The following ZNF605 variants were observed in gnomAD, a reference collection of about 807,000 sequenced individuals.
The protein encoded by ZNF605 is zinc finger protein 605.
ZNF605 carries 9 observed loss-of-function variants against 7.9 expected under a neutral mutation model. That is an observed-to-expected ratio of 1.14 (90% CI 0.68 to 1.98). The LOEUF (loss-of-function observed/expected upper bound fraction) is 1.98, where lower values mean the gene tolerates loss of function less well. Among genes scored for constraint, ZNF605 ranks in the 30% most tolerant of loss-of-function variants. ZNF605 has a pLI of 0.00. For synonymous variants in ZNF605, 255 were observed against 260.1 expected (o/e 0.98, Z 0.19); for missense variants, 673 against 762.4 (o/e 0.88, Z 1.38).
At position 132,926,919 on chromosome 12, in the gene ZNF605, A is replaced by C; in HGVS notation, c.380T>G (p.Leu127Ter). ...RKKIDELNKKLLFCIKPGRTH... is the reference protein window; with the variant it reads ...RKKIDELNKK Reference sequence around the variant, plus strand: ...TCTGCCAGGTTTGATACAGAACAATAATTTCTTATTGAGTTCATCAATTTT... The same window carrying C: ...TCTGCCAGGTTTGATACAGAACAATCATTTCTTATTGAGTTCATCAATTTT... The change falls in exon 5 of 5, where the codon TTA becomes TGA. Residue 127 changes from leucine (L) to a stop codon, truncating the protein, a stop_gained. Coordinates refer to ENST00000360187, the MANE Select transcript of ZNF605 (RefSeq NM_183238.4). LOFTEE classifies it low-confidence loss of function (END_TRUNC). 2 of 1,612,520 alleles carry C rather than the reference A, an allele frequency of 1.2e-6. No individual in the cohort carries two copies. Among genetic ancestry groups the C allele is most frequent in the Non-Finnish European group, 1.7e-6 (2 of 1,179,380 alleles).
rs531246717 is a variant in ZNF605, at chr12:132,923,381, T to C, written c.*1992A>G. 6.6e-6 allele frequency: 1 copy of C among 152,338 alleles called. No homozygotes were observed. Among genetic ancestry groups the C allele is most frequent in the East Asian group, 1.9e-4 (1 of 5,188 alleles). 9.4% of individuals were successfully genotyped at this position (152,338 alleles called of 1,614,324 possible). On this transcript the variant is annotated 3_prime_UTR_variant, in exon 5 of 5. Transcript: ENST00000360187. ...TTCCCAAAGACAGGTCTACAGGTAA[T>C]AAAATTACCTTTGATTTAGTTTCTC...
chr12:132,932,687 A>G lies in ZNF605; in HGVS notation c.136+348T>C, dbSNP rs1952320171. 8 of 1,419,336 alleles carry G rather than the reference A, an allele frequency of 5.6e-6. No homozygotes were observed. The South Asian group carries it at 6.4e-5, about 11-fold the overall frequency. The allele number at this position is 1,419,336 out of a possible 1,614,324, so 87.9% of individuals were successfully genotyped here. A position where few individuals can be genotyped will look rare whatever the true frequency, so the allele number is the denominator to read the frequency against. The stretch of plus-strand genomic sequence containing the variant: ...AAACCTGAGATAAAATGTTCACTGT[A>G]TCTCATAAACCTGATTATTCCTCAC... On this transcript the variant is annotated intron_variant, in intron 4 of 4. Coordinates refer to ENST00000360187, the MANE Select transcript of ZNF605 (RefSeq NM_183238.4).
At chr12:132,939,716 G>C (rs1043631844) in intron 3 of ZNF605, among the ~76,000 whole-genome samples, 4 of 152,306 alleles carry the variant, frequency 2.6e-5, no homozygotes, top group African/African-American at 9.6e-5. Context: ...ACCCGCTCGG[G>C]TCCTCTTCCA....
intron 1 of ZNF605, among the ~76,000 whole-genome samples, chr12:132,950,982 C>T (rs1208408394): frequency 6.6e-6 from 1 of 151,084 alleles, no homozygotes; most frequent in Non-Finnish European, 1.5e-5. Flanking sequence ...CACTGATACA[C>T]ATGTACATCA....
chr12:132,938,619 G>C (rs956286631), intron 3 of ZNF605, among the ~76,000 whole-genome samples: 4 of 152,170 alleles, frequency 2.6e-5, no homozygotes, highest in Admixed American at 6.5e-5. Context: ...GCTTGTTCTC[G>C]GCACCTCCCC....
chr12:132,926,417 T>G lies in ZNF605; in HGVS notation c.882A>C (p.Leu294Phe). The change falls in exon 5 of 5, where the codon TTA becomes TTC. Residue 294 changes from leucine to phenylalanine, a missense_variant. Leu to Phe is a conservative substitution (Grantham distance 22). Transcript: ENST00000360187. ...SECGKAFSQK[L>F]KLITHQRAHT... Reference sequence around the variant, plus strand: ...GCGCTCTCTGATGTGTGATGAGTTTTAATTTCTGGGAGAATGCTTTCCCAC... The same window carrying G: ...GCGCTCTCTGATGTGTGATGAGTTTGAATTTCTGGGAGAATGCTTTCCCAC... The G allele has an allele frequency of 6.2e-7, 1 of 1,614,148 alleles. No individual in the cohort carries two copies. The highest frequency in any genetic ancestry group is 8.5e-7 in the Non-Finnish European group (1 of 1,180,004).
At chr12:132,935,918 G>A (rs1445858888) in intron 3 of ZNF605, among the ~76,000 whole-genome samples, 13 of 149,282 alleles carry the variant, frequency 8.7e-5, no homozygotes, top group Non-Finnish European at 1.3e-4. Flanking sequence ...AAAATTAGCC[G>A]GGCGTGGTGG....
chr12:132,954,659 C>G (rs977551482), intron 1 of ZNF605, among the ~76,000 whole-genome samples: 38 of 151,420 alleles, frequency 2.5e-4, no homozygotes, highest in Admixed American at 5.9e-4. Context: ...CCCGGGGCCC[C>G]CAAGCATTCG....
intron 1 of ZNF605, among the ~76,000 whole-genome samples, chr12:132,951,111 C>T (rs1952558986): frequency 6.6e-6 from 1 of 151,644 alleles, no homozygotes; most frequent in Non-Finnish European, 1.5e-5. Context: ...CACAGACGTA[C>T]AGACACACTG....
At chr12:132,952,908 C>G (rs1311483135) in intron 1 of ZNF605, among the ~76,000 whole-genome samples, 1 of 152,042 alleles carries the variant, frequency 6.6e-6, no homozygotes, top group Non-Finnish European at 1.5e-5. Flanking sequence ...TCCAGACCCA[C>G]CAACACGGCC....
intron 3 of ZNF605, among the ~76,000 whole-genome samples, chr12:132,936,009 C>T (rs1273894441): frequency 2.7e-5 from 4 of 148,310 alleles, no homozygotes; most frequent in Middle Eastern, 3.5e-3. Flanking sequence ...TGCAGTGAGC[C>T]GAGATGGCGC....
At chr12:132,953,567 C>T (rs1426902633) in intron 1 of ZNF605, among the ~76,000 whole-genome samples, 5 of 152,146 alleles carry the variant, frequency 3.3e-5, no homozygotes, top group African/African-American at 1.2e-4. Flanking sequence ...GGTGGGATTA[C>T]AGGCGCCCAC....
Position 132,941,548 on chromosome 12 carries a change from GC to G in ZNF605, c.15+4072del, listed in dbSNP as rs1206424677. Reference sequence around the variant, plus strand: ...CCCAGTCCAAACTACACATCAATAGGCCCAATCATGGGGCGTCTGAGGAACC... The same window carrying G: ...CCCAGTCCAAACTACACATCAATAGGCCAATCATGGGGCGTCTGAGGAACC... On this transcript the variant is annotated intron_variant, in intron 3 of 4. Transcript: ENST00000360187. The surrounding 1 kb of genome is among the most constrained non-coding windows in gnomAD (Gnocchi z 5.1). Among the ~76,000 whole-genome samples the G allele has an allele frequency of 6.6e-6, 1 of 152,144 alleles. No homozygotes were observed. The highest frequency in any genetic ancestry group is 1.5e-5 in the Non-Finnish European group (1 of 68,032).
Position 132,933,076 on chromosome 12 carries a change from C to T in ZNF605, c.95G>A (p.Arg32Lys). 1 of 1,611,334 alleles carries T rather than the reference C, an allele frequency of 6.2e-7. No individual in the cohort carries two copies. The highest frequency in any genetic ancestry group is 1.1e-5 in the South Asian group (1 of 90,704). Residue 32 changes from arginine to lysine, a missense_variant, in exon 4 of 5, where the codon AGA (arginine) becomes AAA (lysine). Transcript: ENST00000360187. The surrounding 1 kb of genome is among the most constrained non-coding windows in gnomAD (Gnocchi z 4.4). Reference sequence around the variant, plus strand: ...GCTATAGTTCTCCAACATCACATCTCTGTACAAGTTCTTCTGAGTAGGATT... The same window carrying T: ...GCTATAGTTCTCCAACATCACATCTTTGTACAAGTTCTTCTGAGTAGGATT... Reference protein sequence around the residue: ...LLNPTQKNLYRDVMLENYSNL... With the variant: ...LLNPTQKNLYKDVMLENYSNL...
chr12:132,929,080 A>G (rs151025123), intron 4 of ZNF605, among the ~76,000 whole-genome samples: 1 of 152,044 alleles, frequency 6.6e-6, no homozygotes, highest in South Asian at 2.1e-4. Context: ...TCTAGGGGGG[A>G]AAAAGCCTCA....
intron 1 of ZNF605, among the ~76,000 whole-genome samples, chr12:132,951,338 C>A (rs1350345505): frequency 6.6e-6 from 1 of 151,324 alleles, no homozygotes; most frequent in Non-Finnish European, 1.5e-5. Flanking sequence ...GTACATCACA[C>A]ACACAGACAC....
In ZNF605 at chr12:132,925,764, T is replaced by G. The variant is rs1952240666; in HGVS notation, c.1535A>C (p.Lys512Thr). 2.5e-6 allele frequency: 4 copies of G among 1,614,010 alleles called. No individual in the cohort carries two copies. In the East Asian group the frequency reaches 8.9e-5, roughly 36 times the overall value. ...AAGCTGTGGCTTCCAGGCAAAAGCT[T>G]TCCTACATTCACTACATTCAAAGGG... ...EKPFECSECRKAFAWKPQLLR... is the reference protein window; with the variant it reads ...EKPFECSECRTAFAWKPQLLR... The change falls in exon 5 of 5, where the codon AAA becomes ACA. Residue 512 changes from lysine to threonine, a missense_variant. By Grantham distance (78) the Lys-to-Thr change is moderately conservative (BLOSUM62 -1). Coordinates refer to ENST00000360187, the MANE Select transcript of ZNF605 (RefSeq NM_183238.4).
intron 1 of ZNF605, among the ~76,000 whole-genome samples, chr12:132,949,520 G>A (rs947516944): frequency 5.3e-5 from 8 of 152,056 alleles, no homozygotes; most frequent in African/African-American, 1.9e-4. Flanking sequence ...TTCCTTTGTC[G>A]CCACCGGACT....
intron 3 of ZNF605, among the ~76,000 whole-genome samples, chr12:132,938,837 C>T (rs1220327853): frequency 1.3e-5 from 2 of 151,882 alleles, no homozygotes; most frequent in Admixed American, 6.5e-5. Flanking sequence ...TGGTGGGCGC[C>T]GCACTCGGAG....
Sources: allele counts gnomAD v4.1 joint callset (sites outside exome capture counted in the v4.1 genomes callset), GRCh38; gene constraint gnomAD v4.1.1; non-coding constraint Gnocchi (gnomAD v3.1); transcripts MANE v1.5; gene names NCBI Gene and HGNC (gene_info 2026-07-23, HGNC 2026-07-21).